Variants in ZFP64 observed in about 807,000 individuals in gnomAD.
The protein encoded by ZFP64 is ZFP64 zinc finger protein, also known as zinc finger protein 64.
Under a neutral mutation model 51.6 loss-of-function variants are expected in ZFP64, and 14 were observed. The ratio of observed to expected loss-of-function variants is 0.27; its 90% CI spans 0.18 to 0.42. The LOEUF (loss-of-function observed/expected upper bound fraction) is 0.42, where lower values mean the gene tolerates loss of function less well. ZFP64 is among the 10% of genes least tolerant of loss of function. ZFP64 has a pLI of 1.00. For synonymous variants in ZFP64, 375 were observed against 361.4 expected, an observed-to-expected ratio of 1.04 and a Z score of -0.43; for missense variants, 754 against 906.8, an observed-to-expected ratio of 0.83 and a Z score of 2.16.
intron 5 of ZFP64, among the ~76,000 whole-genome samples, chr20:52,145,158 C>T (rs1980461998): frequency 6.6e-6 from 1 of 152,122 alleles, no homozygotes; most frequent in East Asian, 1.9e-4. Context: ...AGAGATAGCA[C>T]TAAAAAAGAA....
At chr20:52,101,939 CCAAAAAAAA>C (rs1374033548) in intron 5 of ZFP64, among the ~76,000 whole-genome samples, 6 of 81,430 alleles carry the variant, frequency 7.4e-5, no homozygotes, top group African/African-American at 2.9e-4. Context: ...ACTAAAAATA[CCAAAAAAAA>C]AAAAAAAAAA....
chr20:52,129,868 T>C (rs16996472), intron 5 of ZFP64, among the ~76,000 whole-genome samples: 24,067 of 152,210 alleles, frequency 0.16, 2,121 homozygotes, highest in Non-Finnish European at 0.2. Context: ...CCCGGGGCAA[T>C]TCATCTTTGC....
At chr20:52,132,564 T>C (rs548561095) in intron 5 of ZFP64, among the ~76,000 whole-genome samples, 25 of 152,260 alleles carry the variant, frequency 1.6e-4, no homozygotes, top group South Asian at 1.2e-3. Flanking sequence ...GGATCATTAG[T>C]GGCTACTATG....
chr20:52,085,173 G>A lies in ZFP64; in HGVS notation c.1322C>T (p.Pro441Leu). 13 of 1,614,234 alleles carry A rather than the reference G, an allele frequency of 8.1e-6. No homozygotes were observed. The highest frequency in any genetic ancestry group is 1.1e-5 in the Non-Finnish European group (13 of 1,180,040). The change falls in exon 9 of 9, where the codon CCT (proline) becomes CTT (leucine). Residue 441 changes from proline (P) to leucine (L), a missense_variant. Pro to Leu is a moderately conservative substitution (Grantham distance 98). Coordinates refer to the ZFP64 transcript ENST00000361387. This position sits in a 1 kb window ranked among gnomAD's most constrained non-coding sequence, Gnocchi z 4.3. ...GACGTCGCAGAACTCGCACTTGAAA[G>A]GCTTCTCCCCCGAGTGCACGATCAT... is the stretch of plus-strand genomic sequence containing the variant.
At chr20:52,137,784 TC>T (rs1181369901) in intron 5 of ZFP64, among the ~76,000 whole-genome samples, 1 of 152,132 alleles carries the variant, frequency 6.6e-6, no homozygotes, top group African/African-American at 2.4e-5. Flanking sequence ...AAGCTTCCTC[TC>T]ATCAGGGAAG....
intron 2 of ZFP64, among the ~76,000 whole-genome samples, chr20:52,168,442 C>T (rs1301001594): frequency 6.6e-6 from 1 of 152,198 alleles, no homozygotes; most frequent in African/African-American, 2.4e-5. Flanking sequence ...AGCATTGGAG[C>T]TGCCTGGGAA....
chr20:52,145,301 A>G (rs1041098726), intron 5 of ZFP64, among the ~76,000 whole-genome samples: 3 of 152,204 alleles, frequency 2.0e-5, no homozygotes, highest in African/African-American at 4.8e-5. Flanking sequence ...GCTGAGTACT[A>G]TAGGTAATGG....
rs373143948 is a variant in ZFP64 at position 52,161,103 on chromosome 20, C to A, written c.512-729G>T. ...AGGAACTTAAGTGCCTGGCTGGTCC[C>A]TAGGACAGAGCTGCCCACCTGTCCT... On this transcript the variant is annotated intron_variant, in intron 4 of 5. Coordinates refer to ENST00000216923, the MANE Select transcript of ZFP64 (RefSeq NM_018197.3). Among the ~76,000 whole-genome samples, 27 of 152,206 alleles carry A rather than the reference C, an allele frequency of 1.8e-4. 1 individual carries two copies. The highest frequency in any genetic ancestry group is 1.0e-3 in the Admixed American group (16 of 15,282).
At chr20:52,162,393 G>C (rs957527463) in intron 4 of ZFP64, among the ~76,000 whole-genome samples, 4 of 152,034 alleles carry the variant, frequency 2.6e-5, no homozygotes, top group Non-Finnish European at 2.9e-5. Flanking sequence ...TTGGGAGGCC[G>C]AGGCGGGCGG....
rs1447252949 is a variant in ZFP64 at position 52,160,974 on chromosome 20, G to T, written c.512-600C>A. Among the ~76,000 whole-genome samples the T allele has an allele frequency of 6.6e-6, 1 of 151,882 alleles. No individual in the cohort carries two copies. Among genetic ancestry groups the T allele is most frequent in the Admixed American group, 6.6e-5 (1 of 15,178 alleles). ...TAAGGCAGCAGGTGAGGGCAGGTGA[G>T]TGAGTCGGTGAGCGCAGGTGAGTGA... On this transcript the variant is annotated intron_variant, in intron 4 of 5. Transcript: ENST00000216923. The surrounding 1 kb of genome is among the most constrained non-coding windows in gnomAD (Gnocchi z 4.2).
At chr20:52,135,406 A>G (rs1336337653) in intron 5 of ZFP64, among the ~76,000 whole-genome samples, 1 of 152,218 alleles carries the variant, frequency 6.6e-6, no homozygotes, top group African/African-American at 2.4e-5. Context: ...GCTTTACAGA[A>G]AAAACACTGC....
chr20:52,163,492 A>G (rs1981996816), intron 4 of ZFP64, among the ~76,000 whole-genome samples: 1 of 152,266 alleles, frequency 6.6e-6, no homozygotes, highest in Admixed American at 6.5e-5. Context: ...TTATTACACT[A>G]GAACGCTTAC....
chr20:52,189,446 G>A, intron 1 of ZFP64, among the ~76,000 whole-genome samples: 1 of 150,110 alleles, frequency 6.7e-6, no homozygotes. Flanking sequence ...TCAGATCATA[G>A]TATTGTAAAA....
intron 2 of ZFP64, among the ~76,000 whole-genome samples, chr20:52,175,728 C>T (rs928965689): frequency 3.3e-5 from 5 of 152,102 alleles, no homozygotes. Flanking sequence ...CCTGGAATCC[C>T]AGGCACGTGG....
chr20:52,175,843 T>TACC, intron 2 of ZFP64: 8 of 177,392 alleles, frequency 4.5e-5, no homozygotes, highest in Non-Finnish European at 8.7e-5. Context: ...TCCGTTCCCT[T>TACC]CCCCCCGCAC....
At position 52,144,352 on chromosome 20, in the gene ZFP64, G is replaced by A. The variant is rs368793593; in HGVS notation, c.763+15771C>T. Among the ~76,000 whole-genome samples, 16 of 141,450 alleles carry A rather than the reference G, an allele frequency of 1.1e-4. 6 individuals are homozygous for A. In the East Asian group the frequency reaches 1.2e-3, roughly 11 times the overall value. The allele number at this position is 141,450 out of a possible 152,430, so 92.8% of individuals were successfully genotyped here. On this transcript the variant is annotated intron_variant, in intron 5 of 8. Coordinates refer to the ZFP64 transcript ENST00000361387. ...CCCAGCACTTTGGGAGGCCAAGGCG[G>A]GCAGATCACGAGGTCAAGAGATCAA...
chr20:52,096,848 C>A lies in ZFP64; in HGVS notation c.976+525G>T, dbSNP rs75444683. 9 of 303,274 alleles carry A rather than the reference C, an allele frequency of 3.0e-5. No homozygotes were observed. The East Asian group carries it at 6.9e-4, about 23-fold the overall frequency. The allele number at this position is 303,274 out of a possible 1,614,324, so 18.8% of individuals were successfully genotyped here. A position where few individuals can be genotyped will look rare whatever the true frequency, so the allele number is the denominator to read the frequency against. ...GGGTCGCAATGAACTGAGATTGCAC[C>A]ACTGCATTCTAGCCTGGGTGACAGA... On this transcript the variant is annotated intron_variant, in intron 7 of 8. Transcript: ENST00000361387.
At chr20:52,145,340 A>G (rs576403133) in intron 5 of ZFP64, among the ~76,000 whole-genome samples, 22 of 152,172 alleles carry the variant, frequency 1.4e-4, no homozygotes, top group Admixed American at 2.6e-4. Flanking sequence ...TTGTCTATCT[A>G]AATATAACTA....
chr20:52,115,745 G>A (rs1978830235), intron 5 of ZFP64, among the ~76,000 whole-genome samples: 1 of 151,858 alleles, frequency 6.6e-6, no homozygotes, highest in South Asian at 2.1e-4. Context: ...CAAGAAAAGG[G>A]GAGAAGTTTG....
Sources: gnomAD v4.1 joint callset for allele counts (sites outside exome capture counted in the v4.1 genomes callset) on GRCh38, gnomAD v4.1.1 for gene constraint, Gnocchi (gnomAD v3.1) non-coding constraint, MANE v1.5 for transcripts, NCBI Gene and HGNC (gene_info 2026-07-23, HGNC 2026-07-21) for gene names.